CNTNAP2: variants seen among roughly 807,000 people sequenced by gnomAD.
CNTNAP2 encodes contactin-associated protein-like 2.
A neutral mutation model predicts 155.2 loss-of-function variants in CNTNAP2; 98 were observed. The ratio of observed to expected loss-of-function variants is 0.63; its 90% confidence interval spans 0.54 to 0.75. The LOEUF (loss-of-function observed/expected upper bound fraction) is 0.75. CNTNAP2 is among the 30% of genes least tolerant of loss of function. The pLI, the probability that CNTNAP2 is intolerant of heterozygous loss-of-function variation, is 0.00. For missense variants in CNTNAP2, 1,727 were observed against 1,688.1 expected, an observed-to-expected ratio of 1.02 and a Z score of -0.40; for synonymous variants, 651 against 631.2, an observed-to-expected ratio of 1.03 and a Z score of -0.47.
intron 1 of CNTNAP2, among the ~76,000 whole-genome samples, chr7:146,655,364 C>T (rs1050045980): frequency 3.6e-4 from 48 of 133,922 alleles, no homozygotes; most frequent in African/African-American, 1.2e-3. Flanking sequence ...CAGTGAGTCG[C>T]GATGGCACCA....
chr7:147,839,895 G>A (rs1247944027), intron 13 of CNTNAP2, among the ~76,000 whole-genome samples: 1 of 151,728 alleles, frequency 6.6e-6, no homozygotes, highest in Non-Finnish European at 1.5e-5. Flanking sequence ...GTGTGTGTGT[G>A]TGTATATATA....
In CNTNAP2 at chr7:148,375,890, A is replaced by C. The variant is rs1421487064; in HGVS notation, c.3476-7759A>C. ...GTGGCGGGCGCCTGTAATCTCAGCT[A>C]TTCGGGAGGCTGATGCAGAGAATTG... On this transcript the variant is annotated intron_variant, in intron 21 of 23. Coordinates refer to ENST00000361727, the MANE Select transcript of CNTNAP2 (RefSeq NM_014141.6). Among the ~76,000 whole-genome samples the C allele has an allele frequency of 6.6e-4, 38 of 57,686 alleles. 18 individuals are homozygous for C. The East Asian group carries it at 0.02, about 31-fold the overall frequency. 37.8% of individuals were successfully genotyped at this position (57,686 alleles called of 152,430 possible).
chr7:147,488,217 T>G (rs1798543785), intron 11 of CNTNAP2, among the ~76,000 whole-genome samples: 1 of 152,218 alleles, frequency 6.6e-6, no homozygotes, highest in African/African-American at 2.4e-5. Flanking sequence ...TGACACAGAA[T>G]GAACAATTTT....
intron 16 of CNTNAP2, among the ~76,000 whole-genome samples, chr7:148,145,791 G>A (rs1302929331): frequency 1.4e-4 from 21 of 152,148 alleles, no homozygotes; most frequent in Admixed American, 1.4e-3. Context: ...AACCTTGATG[G>A]AGGTCACTGG....
rs1250279545 is a variant in CNTNAP2, at chr7:147,108,163, C to T, written c.567C>T (p.Asn189=). The change falls in exon 5 of 24, where the codon AAC becomes AAT. Residue 189 remains asparagine (N), a synonymous_variant. Coordinates refer to ENST00000361727, the MANE Select transcript of CNTNAP2 (RefSeq NM_014141.6). ...YGCSYWADVI[N]FDGHVVLPYR... ...TTGTTTTAGGGGCTGATGTTATCAA[C>T]TTTGATGGCCATGTTGTATTACCAT... 3 of 1,612,974 alleles carry T rather than the reference C, an allele frequency of 1.9e-6. No individual in the cohort carries two copies. The highest frequency in any genetic ancestry group is 2.5e-6 in the Non-Finnish European group (3 of 1,179,556).
chr7:147,892,611 A>G (rs901148331), intron 13 of CNTNAP2, among the ~76,000 whole-genome samples: 1 of 152,238 alleles, frequency 6.6e-6, no homozygotes, highest in Non-Finnish European at 1.5e-5. Flanking sequence ...CAAATTAATA[A>G]AATCTAATTC....
At chr7:146,780,542 A>G (rs559645386) in intron 2 of CNTNAP2, among the ~76,000 whole-genome samples, 1 of 152,086 alleles carries the variant, frequency 6.6e-6, no homozygotes, top group East Asian at 1.9e-4. Flanking sequence ...ATAGAATCTC[A>G]TTGTGGTTTG....
At chr7:148,178,134 T>G (rs1460807431) in intron 18 of CNTNAP2, among the ~76,000 whole-genome samples, 1 of 152,222 alleles carries the variant, frequency 6.6e-6, no homozygotes, top group East Asian at 1.9e-4. Flanking sequence ...CAGTTCTTCA[T>G]TATGATCCTT....
chr7:147,751,188 T>G (rs1797130450), intron 13 of CNTNAP2, among the ~76,000 whole-genome samples: 1 of 151,816 alleles, frequency 6.6e-6, no homozygotes, highest in Admixed American at 6.6e-5. Context: ...TTTTATTTTC[T>G]TTTTATTTCC....
intron 1 of CNTNAP2, among the ~76,000 whole-genome samples, chr7:146,247,485 G>C (rs1799680039): frequency 6.6e-6 from 1 of 152,108 alleles, no homozygotes; most frequent in Admixed American, 6.5e-5. Context: ...AGCGAAGCTT[G>C]GGGTTGGGAC....
intron 1 of CNTNAP2, among the ~76,000 whole-genome samples, chr7:146,508,183 G>C: frequency 6.6e-6 from 1 of 152,102 alleles, no homozygotes; most frequent in East Asian, 1.9e-4. Context: ...CTCAGTTATC[G>C]CCATATGGCC....
At chr7:146,717,910 A>G (rs1044929391) in intron 1 of CNTNAP2, among the ~76,000 whole-genome samples, 15 of 151,636 alleles carry the variant, frequency 9.9e-5, no homozygotes, top group African/African-American at 3.6e-4. Flanking sequence ...AGTCACACGG[A>G]TGACCAATGG....
chr7:147,311,498 C>T (rs374185062), intron 9 of CNTNAP2, among the ~76,000 whole-genome samples: 94 of 152,218 alleles, frequency 6.2e-4, no homozygotes, highest in African/African-American at 2.0e-3. Context: ...AGACTGAGGG[C>T]AGTCCAGGCA....
At chr7:146,834,034 T>C (rs891654143) in intron 2 of CNTNAP2, among the ~76,000 whole-genome samples, 2 of 152,160 alleles carry the variant, frequency 1.3e-5, no homozygotes, top group East Asian at 3.9e-4. Flanking sequence ...TTTCAGCTGA[T>C]ACTTATTTCT....
intron 1 of CNTNAP2, among the ~76,000 whole-genome samples, chr7:146,413,765 G>T (rs1237631597): frequency 1.3e-5 from 2 of 151,424 alleles, no homozygotes; most frequent in East Asian, 3.9e-4. Context: ...TTTCCCGAGT[G>T]GGGCAGAGAG....
chr7:147,633,882 C>G lies in CNTNAP2; in HGVS notation c.1898-5224C>G, dbSNP rs142405527. Reference sequence around the variant, plus strand: ...AATTACCCAGTCTTAGGTATTTATTCATAGCAACATGAGCATGGACTAATA... The same window carrying G: ...AATTACCCAGTCTTAGGTATTTATTGATAGCAACATGAGCATGGACTAATA... On this transcript the variant is annotated intron_variant, in intron 12 of 23. Coordinates refer to ENST00000361727, the MANE Select transcript of CNTNAP2 (RefSeq NM_014141.6). Among the ~76,000 whole-genome samples the G allele has an allele frequency of 3.7e-4, 57 of 152,228 alleles. No individual in the cohort carries two copies. The East Asian group carries it at 0.011, about 29-fold the overall frequency.
intron 3 of CNTNAP2, among the ~76,000 whole-genome samples, chr7:146,931,500 G>A (rs1216393329): frequency 2.0e-5 from 3 of 150,060 alleles, no homozygotes. Flanking sequence ...ATCCAAAACT[G>A]ACACCCTAAC....
intron 15 of CNTNAP2, among the ~76,000 whole-genome samples, chr7:148,016,299 C>G (rs1205228082): frequency 6.6e-6 from 1 of 152,200 alleles, no homozygotes; most frequent in African/African-American, 2.4e-5. Flanking sequence ...CTCTGTCCAC[C>G]TATGCCAGCC....
chr7:148,196,388 C>T (rs527849650), intron 18 of CNTNAP2, among the ~76,000 whole-genome samples: 2 of 152,096 alleles, frequency 1.3e-5, no homozygotes, highest in African/African-American at 2.4e-5. Context: ...CAGCAGGATT[C>T]GGAGGAACTG....
Sources: gnomAD v4.1 joint callset for allele counts (sites outside exome capture counted in the v4.1 genomes callset) on GRCh38, gnomAD v4.1.1 for gene constraint, MANE v1.5 for transcripts, NCBI Gene and HGNC (gene_info 2026-07-23, HGNC 2026-07-21) for gene names.